Variants in PSME2 observed in about 807,000 individuals in gnomAD.
PSME2 encodes the protein proteasome activator subunit 2, also known as proteasome activator complex subunit 2.
In PSME2, 20 loss-of-function variants were observed where a neutral mutation model predicts 38.8. That is an observed-to-expected ratio of 0.52 (90% CI 0.36 to 0.75). The LOEUF (loss-of-function observed/expected upper bound fraction) is 0.75. PSME2 is among the 30% of genes least tolerant of loss of function. PSME2 has a pLI of 0.00. For missense variants in PSME2, 227 were observed against 287.6 expected (o/e 0.79, Z 1.52); for synonymous variants, 82 against 102.5 (o/e 0.80, Z 1.21).
Position 24,143,961 on chromosome 14 carries a change from G to T in PSME2, c.552+14C>A. 1.2e-6 allele frequency: 2 copies of T among 1,613,438 alleles called. No individual in the cohort carries two copies. The highest frequency in any genetic ancestry group is 1.1e-5 in the South Asian group (1 of 91,070). ...CCCACACCCAGCTAAAAGGCTGGTGGACTATCCACTCACTACATGAGTCTC... is the reference window on the plus strand; with the variant it reads ...CCCACACCCAGCTAAAAGGCTGGTGTACTATCCACTCACTACATGAGTCTC... On this transcript the variant is annotated intron_variant, in intron 9 of 10. Coordinates refer to ENST00000216802, the MANE Select transcript of PSME2 (RefSeq NM_002818.3). This position sits in a 1 kb window ranked among gnomAD's most constrained non-coding sequence, Gnocchi z 4.4.
chr14:24,143,940 C>T lies in PSME2; in HGVS notation c.552+35G>A, dbSNP rs752014918. 54 of 1,606,048 alleles carry T rather than the reference C, an allele frequency of 3.4e-5. No homozygotes were observed. The highest frequency in any genetic ancestry group is 4.2e-5 in the Non-Finnish European group (49 of 1,173,076). On this transcript the variant is annotated intron_variant, in intron 9 of 10. Coordinates refer to ENST00000216802, the MANE Select transcript of PSME2 (RefSeq NM_002818.3). The surrounding 1 kb of genome is among the most constrained non-coding windows in gnomAD (Gnocchi z 4.4). ...TCTTCCTCCACACCTCCTCGTCCCACACCCAGCTAAAAGGCTGGTGGACTA... is the reference window on the plus strand; with the variant it reads ...TCTTCCTCCACACCTCCTCGTCCCATACCCAGCTAAAAGGCTGGTGGACTA...
rs1159342753 is a variant in PSME2, at chr14:24,143,406, GGTTCA to G, written c.718_*2del. On this transcript the variant is annotated stop_lost and 3_prime_UTR_variant, in exon 11 of 11. Transcript: ENST00000216802. This position sits in a 1 kb window ranked among gnomAD's most constrained non-coding sequence, Gnocchi z 4.4. ...ATCATTTATTTTCCTTCTAGTCCCG[GGTTCA>G]GTACATAGATGGCTTTTCTTCACCC... 1 of 1,609,422 alleles carries G rather than the reference GGTTCA, an allele frequency of 6.2e-7. No individual in the cohort carries two copies. The highest frequency in any genetic ancestry group is 8.5e-7 in the Non-Finnish European group (1 of 1,175,918).
intron 6 of PSME2, 192 bp from the exon 7 acceptor site, chr14:24,144,660 G>A: frequency 1.6e-6 from 1 of 635,090 alleles, no homozygotes; most frequent in African/African-American, 1.8e-5. Flanking sequence ...TTTAACAGAT[G>A]AAAAAACTGA....
In PSME2 at chr14:24,146,219, G is replaced by T. The variant is rs1443648414; in HGVS notation, c.70C>A (p.Leu24Ile). The T allele has an allele frequency of 8.1e-6, 13 of 1,613,260 alleles. No homozygotes were observed. Among genetic ancestry groups the T allele is most frequent in the African/African-American group, 1.3e-5 (1 of 74,734 alleles). The change falls in exon 2 of 11, where the codon CTT (leucine) becomes ATT (isoleucine). Residue 24 changes from leucine (L) to isoleucine (I), a missense_variant. This residue lies in a region of PSME2 where 80 missense variants were observed against 77.3 expected (regional missense o/e 1.04). Coordinates refer to ENST00000216802, the MANE Select transcript of PSME2 (RefSeq NM_002818.3). The stretch of plus-strand genomic sequence containing the variant: ...ATCCAGAGACTTACCTCCTGGAAAA[G>T]ATTCTGTCTGAAGACCTCCACCTAC... ...RKQVEVFRQN[L>I]FQEAEEFLYR...
intron 6 of PSME2, 165 bp from the exon 7 acceptor site, chr14:24,144,633 T>G (rs545029273): frequency 7.2e-6 from 5 of 696,688 alleles, no homozygotes; most frequent in African/African-American, 7.2e-5. Flanking sequence ...TTCAGAGATA[T>G]GTATTTATTG....
intron 3 of PSME2, 33 bp downstream of exon 3, chr14:24,145,677 T>C (rs754268222): frequency 8.1e-6 from 13 of 1,597,412 alleles, no homozygotes; most frequent in African/African-American, 5.4e-5. Context: ...ATAGAGGACA[T>C]AGGATGGGGC....
intron 6 of PSME2, chr14:24,144,703 T>C (rs2038124238): frequency 1.7e-6 from 1 of 587,276 alleles, no homozygotes; most frequent in Non-Finnish European, 3.0e-6. Context: ...TACTTAAGGC[T>C]ACCAGCTAGG....
rs956684676 is a variant in PSME2 at position 24,146,371 on chromosome 14, G to A, written c.49-131C>T. 8 of 1,419,762 alleles carry A rather than the reference G, an allele frequency of 5.6e-6. No homozygotes were observed. The Admixed American group carries it at 9.0e-5, about 16-fold the overall frequency. 87.9% of individuals were successfully genotyped at this position (1,419,762 alleles called of 1,614,324 possible). ...AAACTAGCTTTCCCTGGAAGCTCCT[G>A]CTCACTGCAGTCAGAAGGCAGGAAT... is the stretch of plus-strand genomic sequence containing the variant. On this transcript the variant is annotated intron_variant, in intron 1 of 10. Transcript: ENST00000216802.
chr14:24,146,178 G>A, intron 2 of PSME2, 30 bp downstream of exon 2: 1 of 1,609,994 alleles, frequency 6.2e-7, no homozygotes, highest in Non-Finnish European at 8.5e-7. Flanking sequence ...CCAAGATTCT[G>A]GGTCAAATCG....
At chr14:24,144,291 T>C (rs1426484089) in intron 7 of PSME2, 32 bp from the exon 8 acceptor site, 1 of 1,613,580 alleles carries the variant, frequency 6.2e-7, no homozygotes, top group Admixed American at 1.7e-5. Flanking sequence ...AGACAACACT[T>C]CATGTCCTCC....
chr14:24,145,467 T>A lies in PSME2; in HGVS notation c.145-2A>T. On this transcript the variant is annotated splice_acceptor_variant, in intron 3 of 10. Transcript: ENST00000216802. LOFTEE classifies it high-confidence loss of function. ...GTCAGCCACATTGAGGGAGTCCTCCTGCACAGAGCTCACTGTCAAGGGCTG... is the reference window on the plus strand; with the variant it reads ...GTCAGCCACATTGAGGGAGTCCTCCAGCACAGAGCTCACTGTCAAGGGCTG... The A allele has an allele frequency of 6.5e-7, 1 of 1,547,570 alleles. No individual in the cohort carries two copies. The highest frequency in any genetic ancestry group is 8.7e-7 in the Non-Finnish European group (1 of 1,148,812).
At chr14:24,145,540 C>T (rs1425191399) in intron 3 of PSME2, 75 bp from the exon 4 acceptor site, 1 of 1,478,856 alleles carries the variant, frequency 6.8e-7, no homozygotes, top group Non-Finnish European at 9.2e-7. Context: ...CTCCATACAT[C>T]CCACTTGCAC....
At chr14:24,145,858 T>C (rs750634621) in intron 2 of PSME2, 86 bp from the exon 3 acceptor site, 3 of 1,398,416 alleles carry the variant, frequency 2.1e-6, no homozygotes, top group Non-Finnish European at 3.0e-6. Context: ...CCTTTGGAAA[T>C]CACTGGGTCC....
intron 2 of PSME2, 193 bp downstream of exon 2, chr14:24,146,015 A>AG: frequency 1.2e-6 from 1 of 822,608 alleles, no homozygotes; most frequent in South Asian, 1.5e-5. Context: ...GAGAAGTGCC[A>AG]GAAGTCGGGA....
Position 24,146,201 on chromosome 14 carries a change from G to A in PSME2, c.81+7C>T, listed in dbSNP as rs2038152581. 1.2e-6 allele frequency: 2 copies of A among 1,613,286 alleles called. No homozygotes were observed. The highest frequency in any genetic ancestry group is 2.2e-5 in the East Asian group (1 of 44,872). ...CTGGGTCAAATCGCTCAAATCCAGA[G>A]ACTTACCTCCTGGAAAAGATTCTGT... On this transcript the variant is annotated splice_region_variant and intron_variant, in intron 2 of 10. Transcript: ENST00000216802.
At position 24,144,239 on chromosome 14, in the gene PSME2, C is replaced by T; in HGVS notation, c.450G>A (p.Val150=). ...VAIQEKVLER[V]NAVKTKVEAF... ...CTTCCACTTTGGTCTTGACGGCATT[C>T]ACCCTCTCCAGCACCTTCTCCTGTG... is the stretch of plus-strand genomic sequence containing the variant. The change falls in exon 8 of 11, where the codon GTG becomes GTA. Residue 150 remains valine (V), a synonymous_variant. Coordinates refer to ENST00000216802, the MANE Select transcript of PSME2 (RefSeq NM_002818.3). 1 of 1,614,230 alleles carries T rather than the reference C, an allele frequency of 6.2e-7. No individual in the cohort carries two copies. Among genetic ancestry groups the T allele is most frequent in the Non-Finnish European group, 8.5e-7 (1 of 1,180,048 alleles).
Position 24,145,696 on chromosome 14 carries a change from C to T in PSME2, c.144+14G>A. 6.2e-7 allele frequency: 1 copy of T among 1,611,738 alleles called. No homozygotes were observed. Among genetic ancestry groups the T allele is most frequent in the Non-Finnish European group, 8.5e-7 (1 of 1,177,858 alleles). ...AGGACATAGGATGGGGCAGAAGGGG[C>T]CCACACTACTCACTTGCAAGAGCTG... On this transcript the variant is annotated intron_variant, in intron 3 of 10. Transcript: ENST00000216802.
At position 24,143,504 on chromosome 14, in the gene PSME2, G is replaced by A. The variant is rs760236481; in HGVS notation, c.640-15C>T. Reference sequence around the variant, plus strand: ...TAAAGCTCAGCCTGGGAGAAGGCCAGAGTGCAAGAGTCAGGTTCTTAGCCA... The same window carrying A: ...TAAAGCTCAGCCTGGGAGAAGGCCAAAGTGCAAGAGTCAGGTTCTTAGCCA... On this transcript the variant is annotated splice_polypyrimidine_tract_variant and intron_variant, in intron 10 of 10. Coordinates refer to ENST00000216802, the MANE Select transcript of PSME2 (RefSeq NM_002818.3). The surrounding 1 kb of genome is among the most constrained non-coding windows in gnomAD (Gnocchi z 4.4). 1.9e-6 allele frequency: 3 copies of A among 1,613,882 alleles called. No individual in the cohort carries two copies. In the South Asian group the frequency reaches 3.3e-5, roughly 18 times the overall value.
intron 2 of PSME2, 54 bp from the exon 3 acceptor site, chr14:24,145,826 C>G: frequency 6.5e-7 from 1 of 1,546,522 alleles, no homozygotes; most frequent in Non-Finnish European, 8.9e-7. Flanking sequence ...AATGAGATGT[C>G]TGACAAATGG....
Sources: allele counts gnomAD v4.1 joint callset, GRCh38; gene constraint gnomAD v4.1.1; regional missense constraint gnomAD v4.1.1; non-coding constraint Gnocchi (gnomAD v3.1); transcripts MANE v1.5; gene names NCBI Gene and HGNC (gene_info 2026-07-23, HGNC 2026-07-21).